Variants in RGS6 observed in about 807,000 individuals in gnomAD.
RGS6 encodes regulator of G-protein signaling 6.
A neutral mutation model predicts 78.5 loss-of-function variants in RGS6; 30 were observed. The ratio of observed to expected loss-of-function variants is 0.38; its 90% CI spans 0.29 to 0.52. The LOEUF (loss-of-function observed/expected upper bound fraction) is 0.52. RGS6 is among the 20% of genes least tolerant of loss of function. The probability of loss-of-function intolerance (pLI) is 0.85; values close to 1 mark genes in which losing one functional copy is unlikely to be tolerated. For synonymous variants in RGS6, 206 were observed against 206.0 expected (o/e 1.00, Z 0.00); for missense variants, 495 against 609.7 (o/e 0.81, Z 1.98).
At chr14:72,194,458 GC>G (rs2039515966) in intron 2 of RGS6, among the ~76,000 whole-genome samples, 1 of 51,418 alleles carries the variant, frequency 1.9e-5, no homozygotes, top group African/African-American at 1.1e-4. Context: ...GCAGTCTCAA[GC>G]TCCTTGGGCT....
At chr14:72,021,767 T>C (rs928968488) in intron 2 of RGS6, among the ~76,000 whole-genome samples, 1 of 150,622 alleles carries the variant, frequency 6.6e-6, no homozygotes, top group African/African-American at 2.4e-5. Flanking sequence ...CCACTGCGCC[T>C]GGCCTTTTTT....
At chr14:72,152,081 A>G (rs1295281958) in intron 2 of RGS6, among the ~76,000 whole-genome samples, 3 of 149,790 alleles carry the variant, frequency 2.0e-5, no homozygotes, top group Admixed American at 2.0e-4. Flanking sequence ...AAAATAAAAG[A>G]TAACACAGGT....
chr14:72,410,805 G>A (rs1045158695), intron 3 of RGS6, among the ~76,000 whole-genome samples: 18 of 152,110 alleles, frequency 1.2e-4, no homozygotes, highest in African/African-American at 1.9e-4. Context: ...AGTTTTCCCA[G>A]CACCATTTAT....
At chr14:72,527,439 G>T (rs2097132782) in intron 15 of RGS6, among the ~76,000 whole-genome samples, 1 of 152,130 alleles carries the variant, frequency 6.6e-6, no homozygotes, top group South Asian at 2.1e-4. Flanking sequence ...ACTTACCTTG[G>T]GTAAGCCACT....
chr14:72,544,563 G>C (rs997744791), intron 17 of RGS6, among the ~76,000 whole-genome samples: 3 of 152,186 alleles, frequency 2.0e-5, no homozygotes, highest in African/African-American at 7.2e-5. Flanking sequence ...TCGAAGTTTA[G>C]CTTTGCCAAG....
intron 2 of RGS6, among the ~76,000 whole-genome samples, chr14:71,970,379 T>TA (rs1388445464): frequency 6.6e-6 from 1 of 152,232 alleles, no homozygotes; most frequent in African/African-American, 2.4e-5. Flanking sequence ...GTTGCTCTGA[T>TA]ACCCCAAGGT....
chr14:72,042,981 C>G (rs1041829937), intron 2 of RGS6, among the ~76,000 whole-genome samples: 1 of 152,048 alleles, frequency 6.6e-6, no homozygotes, highest in Non-Finnish European at 1.5e-5. Context: ...TGAATACTAT[C>G]TTTTAAAAAT....
At chr14:72,115,421 T>G (rs1213545162) in intron 2 of RGS6, among the ~76,000 whole-genome samples, 1 of 152,176 alleles carries the variant, frequency 6.6e-6, no homozygotes, top group Non-Finnish European at 1.5e-5. Flanking sequence ...TCCATCAAGA[T>G]GGACTGAAAC....
chr14:72,452,838 A>G (rs1482792415), intron 3 of RGS6, among the ~76,000 whole-genome samples: 1 of 152,180 alleles, frequency 6.6e-6, no homozygotes, highest in Non-Finnish European at 1.5e-5. Flanking sequence ...CTTCCAGAAA[A>G]CTGAACTCCT....
chr14:72,586,238 C>T, the RGS6 span, among the ~76,000 whole-genome samples: 1 of 152,102 alleles, frequency 6.6e-6, no homozygotes, highest in African/African-American at 2.4e-5. Flanking sequence ...AATTTGATCC[C>T]CAGTGTTGGT....
intron 3 of RGS6, among the ~76,000 whole-genome samples, chr14:72,398,500 C>T (rs1298789627): frequency 6.6e-6 from 1 of 152,076 alleles, no homozygotes; most frequent in Admixed American, 6.6e-5. Flanking sequence ...TTCAAAAAAC[C>T]AGCTCCTGGA....
the RGS6 span, among the ~76,000 whole-genome samples, chr14:71,917,939 C>T: frequency 4.0e-5 from 6 of 151,766 alleles, no homozygotes; most frequent in East Asian, 1.9e-4. Flanking sequence ...TTTGGGAGGC[C>T]GAGACGGGCG....
At chr14:72,092,048 G>A (rs12147493) in intron 2 of RGS6, among the ~76,000 whole-genome samples, 32,861 of 146,134 alleles carry the variant, frequency 0.22, 4,504 homozygotes, top group East Asian at 0.4. Flanking sequence ...TTTTGAGACA[G>A]TCTCTCTCTC....
At chr14:71,910,356 T>C in the RGS6 span, among the ~76,000 whole-genome samples, 4 of 152,224 alleles carry the variant, frequency 2.6e-5, no homozygotes, top group African/African-American at 7.2e-5. Flanking sequence ...CTCTGTTAGT[T>C]AATTTTCATC....
intron 3 of RGS6, among the ~76,000 whole-genome samples, chr14:72,440,468 G>A (rs1465196845): frequency 6.8e-6 from 1 of 147,740 alleles, no homozygotes; most frequent in Admixed American, 6.8e-5. Context: ...AGGTTGGAGT[G>A]CAGTGGCATG....
intron 2 of RGS6, among the ~76,000 whole-genome samples, chr14:72,238,196 A>G (rs552538392): frequency 4.7e-4 from 72 of 152,094 alleles, no homozygotes; most frequent in Middle Eastern, 6.8e-3. Context: ...AGTTTCGGAC[A>G]CTCAGTTGCT....
chr14:72,253,724 G>A (rs1007482970), intron 2 of RGS6, among the ~76,000 whole-genome samples: 28 of 152,160 alleles, frequency 1.8e-4, no homozygotes, highest in Non-Finnish European at 7.3e-5. Context: ...TGGTGTAAGT[G>A]GTGGCTACTC....
chr14:72,308,265 A>G (rs1391636934), intron 2 of RGS6, among the ~76,000 whole-genome samples: 2 of 152,162 alleles, frequency 1.3e-5, no homozygotes, highest in African/African-American at 4.8e-5. Context: ...TAGTTCCCCT[A>G]CCGCAAATAT....
At chr14:72,242,841 T>TTTC (rs1394283822) in intron 2 of RGS6, among the ~76,000 whole-genome samples, 3 of 5,114 alleles carry the variant, frequency 5.9e-4, no homozygotes, top group African/African-American at 1.7e-3. Context: ...TTTCTTTTCT[T>TTTC]TTTTTTTTTT....
Sources: allele counts gnomAD v4.1 joint callset (sites outside exome capture counted in the v4.1 genomes callset), GRCh38; gene constraint gnomAD v4.1.1; transcripts MANE v1.5; gene names NCBI Gene and HGNC (gene_info 2026-07-23, HGNC 2026-07-21).